Variants in SCD5 observed in about 807,000 individuals in gnomAD.
The protein encoded by SCD5 is stearoyl-CoA desaturase 5.
SCD5 carries 20 observed loss-of-function variants against 30.4 expected under a neutral mutation model. The observed-to-expected ratio is 0.66, with a 90% confidence interval of 0.46 to 0.96. The LOEUF is 0.96. Ranked by LOEUF, SCD5 falls within the 40% of genes least tolerant of loss-of-function variation. The pLI is 0.00. For synonymous variants in SCD5, 173 were observed against 176.4 expected (o/e 0.98, Z 0.16); for missense variants, 381 against 443.3 (o/e 0.86, Z 1.26).
At position 82,635,741 on chromosome 4, in the gene SCD5, C is replaced by A. The variant is rs537809310; in HGVS notation, c.802+850G>T. ...AGGAGGAGGTAAGTGCTAGTATTAC[C>A]CCCACTTTACAGATAGGGACACGAA... On this transcript the variant is annotated intron_variant, in intron 4 of 4. Transcript: ENST00000319540. 1.1e-3 allele frequency among the ~76,000 whole-genome samples: 161 copies of A among 151,956 alleles called. 1 individual carries two copies. Among genetic ancestry groups the A allele is most frequent in the African/African-American group, 3.8e-3 (158 of 41,404 alleles).
intron 3 of SCD5, among the ~76,000 whole-genome samples, chr4:82,673,541 C>T (rs183472533): frequency 1.3e-5 from 2 of 152,236 alleles, no homozygotes; most frequent in Admixed American, 1.3e-4. Flanking sequence ...ATCCCATGCT[C>T]ATAAATAGGA....
At chr4:82,705,152 G>C (rs957898540) in intron 2 of SCD5, 131 bp downstream of exon 2, 1 of 1,151,900 alleles carries the variant, frequency 8.7e-7, no homozygotes, top group African/African-American at 1.5e-5. Flanking sequence ...ACTTGGGACA[G>C]ACTGGGCGTG....
intron 1 of SCD5, among the ~76,000 whole-genome samples, chr4:82,714,938 T>C (rs1268583183): frequency 1.3e-5 from 2 of 149,454 alleles, no homozygotes; most frequent in Non-Finnish European, 2.9e-5. Flanking sequence ...CAGGATACCA[T>C]AAAGAATTTC....
intron 1 of SCD5, among the ~76,000 whole-genome samples, chr4:82,789,442 T>C (rs1430699985): frequency 6.6e-6 from 1 of 152,154 alleles, no homozygotes; most frequent in Non-Finnish European, 1.5e-5. Context: ...CACCTGGAGA[T>C]GTCGTTAAAA....
intron 3 of SCD5, among the ~76,000 whole-genome samples, chr4:82,647,577 C>T (rs1727658417): frequency 6.6e-6 from 1 of 152,180 alleles, no homozygotes; most frequent in South Asian, 2.1e-4. Context: ...ACAATGTGCT[C>T]TAAAGGTTAC....
intron 1 of SCD5, among the ~76,000 whole-genome samples, chr4:82,728,819 ACT>A (rs1335715574): frequency 2.0e-5 from 3 of 151,800 alleles, no homozygotes; most frequent in African/African-American, 7.3e-5. Context: ...TGTCAATTAA[ACT>A]CTTTCTCTAC....
chr4:82,737,041 G>A lies in SCD5; in HGVS notation c.233-31628C>T, dbSNP rs144194443. ...TTTTCTTTCTTTGTTTCTCCAGGATGTAGTCTCAAACATATACTAGCTCAA... is the reference window on the plus strand; with the variant it reads ...TTTTCTTTCTTTGTTTCTCCAGGATATAGTCTCAAACATATACTAGCTCAA... On this transcript the variant is annotated intron_variant, in intron 1 of 4. Coordinates refer to ENST00000319540, the MANE Select transcript of SCD5 (RefSeq NM_001037582.3). Among the ~76,000 whole-genome samples, 385 of 152,130 alleles carry A rather than the reference G, an allele frequency of 2.5e-3. 4 individuals are homozygous for A. Among genetic ancestry groups the A allele is most frequent in the African/African-American group, 9.1e-3 (378 of 41,496 alleles).
chr4:82,666,785 T>C (rs571573837), intron 3 of SCD5, among the ~76,000 whole-genome samples: 40 of 152,324 alleles, frequency 2.6e-4, no homozygotes, highest in African/African-American at 8.4e-4. Flanking sequence ...TGCAAACATA[T>C]ACTGTTCTTC....
chr4:82,752,627 A>G (rs1295637740), intron 1 of SCD5, among the ~76,000 whole-genome samples: 1 of 152,078 alleles, frequency 6.6e-6, no homozygotes, highest in Admixed American at 6.6e-5. Context: ...GCTGAACAAT[A>G]TCTGTCCCTT....
At chr4:82,674,536 G>A (rs1039292801) in intron 3 of SCD5, among the ~76,000 whole-genome samples, 1 of 152,136 alleles carries the variant, frequency 6.6e-6, no homozygotes, top group Non-Finnish European at 1.5e-5. Flanking sequence ...AATGCAAAAC[G>A]ATACAGCCAC....
chr4:82,641,485 T>A (rs1266141368), intron 3 of SCD5, among the ~76,000 whole-genome samples: 1 of 151,988 alleles, frequency 6.6e-6, no homozygotes, highest in Non-Finnish European at 1.5e-5. Flanking sequence ...AAATTTTAAA[T>A]AGGGTGTCTA....
intron 1 of SCD5, among the ~76,000 whole-genome samples, chr4:82,725,825 AC>A (rs1720457209): frequency 6.6e-6 from 1 of 152,108 alleles, no homozygotes; most frequent in Admixed American, 6.6e-5. Context: ...ATGCCACTGC[AC>A]TGCAGCCTGG....
rs71666755 is a variant in SCD5 at position 82,667,269 on chromosome 4, TACAC to T, written c.569+13434_569+13437del. Among the ~76,000 whole-genome samples, 84 of 151,102 alleles carry T rather than the reference TACAC, an allele frequency of 5.6e-4. 1 individual carries two copies. Among genetic ancestry groups the T allele is most frequent in the East Asian group, 1.4e-3 (7 of 5,092 alleles). ...TGCTAATGCAGTTGGTGTATTTTTA[TACAC>T]ACACACACACACACGCACGCACGCA... On this transcript the variant is annotated intron_variant, in intron 3 of 4. Coordinates refer to ENST00000319540, the MANE Select transcript of SCD5 (RefSeq NM_001037582.3).
chr4:82,656,689 A>C (rs1021414644), intron 3 of SCD5, among the ~76,000 whole-genome samples: 3 of 152,204 alleles, frequency 2.0e-5, no homozygotes, highest in African/African-American at 7.2e-5. Flanking sequence ...GTCTTCCACA[A>C]TGGTTGAACT....
chr4:82,675,413 C>T (rs1728414979), intron 3 of SCD5, among the ~76,000 whole-genome samples: 1 of 152,096 alleles, frequency 6.6e-6, no homozygotes, highest in Non-Finnish European at 1.5e-5. Context: ...TGAGGTGAAA[C>T]AGGCCTCAAA....
intron 1 of SCD5, among the ~76,000 whole-genome samples, chr4:82,757,173 G>A (rs1010923756): frequency 1.3e-5 from 2 of 151,864 alleles, no homozygotes; most frequent in Non-Finnish European, 2.9e-5. Context: ...CTCCTTTCCC[G>A]TCACTCTCTG....
chr4:82,776,837 T>C (rs1310431537), intron 1 of SCD5, among the ~76,000 whole-genome samples: 1 of 152,228 alleles, frequency 6.6e-6, no homozygotes, highest in Non-Finnish European at 1.5e-5. Flanking sequence ...GAGATACATA[T>C]TTATGTTAAT....
At chr4:82,730,137 T>G (rs1409224349) in intron 1 of SCD5, among the ~76,000 whole-genome samples, 1 of 151,304 alleles carries the variant, frequency 6.6e-6, no homozygotes, top group African/African-American at 2.4e-5. Flanking sequence ...TTTGTCAATC[T>G]AATTTACAGG....
At chr4:82,702,991 T>G (rs1719885799) in intron 2 of SCD5, among the ~76,000 whole-genome samples, 1 of 152,188 alleles carries the variant, frequency 6.6e-6, no homozygotes, top group African/African-American at 2.4e-5. Context: ...TAGGTCTAAG[T>G]GACATTGTTA....
Sources: allele counts gnomAD v4.1 joint callset (sites outside exome capture counted in the v4.1 genomes callset), GRCh38; gene constraint gnomAD v4.1.1; transcripts MANE v1.5; gene names NCBI Gene and HGNC (gene_info 2026-07-23, HGNC 2026-07-21).